The following BPIFB4 variants were observed in gnomAD, a reference collection of about 807,000 sequenced individuals.
BPIFB4 encodes the protein BPI fold-containing family B member 4.
A neutral mutation model predicts 69.2 loss-of-function variants in BPIFB4; 62 were observed. That is an observed-to-expected ratio of 0.90 (90% CI 0.73 to 1.11). BPIFB4 has a LOEUF of 1.11. BPIFB4 is among the 50% of genes least tolerant of loss of function. The pLI is 0.00. For missense variants in BPIFB4, 789 were observed against 792.0 expected (o/e 1.00, Z 0.04); for synonymous variants, 330 against 332.7 (o/e 0.99, Z 0.09).
At chr20:33,107,041 T>G (rs766675415) in intron 16 of BPIFB4, among the ~76,000 whole-genome samples, 1 of 151,930 alleles carries the variant, frequency 6.6e-6, no homozygotes, top group Non-Finnish European at 1.5e-5. Flanking sequence ...CCATCTCTAC[T>G]AAAAACACAA....
Position 33,107,499 on chromosome 20 carries a change from G to A in BPIFB4, c.1745-245G>A, listed in dbSNP as rs565373335. The stretch of plus-strand genomic sequence containing the variant: ...AACAAAAAAAGCAAAAATTAGGCAT[G>A]TTGGCATGTGCCTATAATCCCAGCT... On this transcript the variant is annotated intron_variant, in intron 16 of 17. Coordinates refer to ENST00000375483, the MANE Select transcript of BPIFB4 (RefSeq NM_182519.3). Among the ~76,000 whole-genome samples the A allele has an allele frequency of 2.6e-5, 4 of 152,252 alleles. No individual in the cohort carries two copies. In the South Asian group the frequency reaches 6.2e-4, roughly 24 times the overall value.
rs373415733 is a variant in BPIFB4 at position 33,103,785 on chromosome 20, C to T, written c.1680+771C>T. On this transcript the variant is annotated intron_variant, in intron 15 of 17. Coordinates refer to ENST00000375483, the MANE Select transcript of BPIFB4 (RefSeq NM_182519.3). ...CCCAAAAAGCTACAGCCTGTGAAGC[C>T]GATCTTGCCAGCTTCATTTTATAAG... Among the ~76,000 whole-genome samples the T allele has an allele frequency of 1.2e-4, 19 of 152,312 alleles. No individual in the cohort carries two copies. The East Asian group carries it at 1.4e-3, about 11-fold the overall frequency.
intron 6 of BPIFB4, among the ~76,000 whole-genome samples, chr20:33,085,739 G>A (rs1981403799): frequency 6.6e-6 from 1 of 152,186 alleles, no homozygotes; most frequent in Non-Finnish European, 1.5e-5. Context: ...TTATCCCCGT[G>A]GGATGAGGTC....
chr20:33,107,655 T>G (rs1348131819), intron 16 of BPIFB4, 89 bp from the exon 17 acceptor site: 2 of 991,538 alleles, frequency 2.0e-6, no homozygotes, highest in Non-Finnish European at 3.2e-6. Flanking sequence ...AAAAAGAAAT[T>G]GCCAATCTTC....
rs1297596335 is a variant in BPIFB4, at chr20:33,107,773, A to G, written c.1774A>G (p.Lys592Glu). 2 of 1,613,962 alleles carry G rather than the reference A, an allele frequency of 1.2e-6. No homozygotes were observed. Among genetic ancestry groups the G allele is most frequent in the African/African-American group, 1.3e-5 (1 of 74,926 alleles). The change falls in exon 17 of 18, where the codon AAA becomes GAA. Residue 592 changes from lysine (K) to glutamate (E), a missense_variant. By Grantham distance (56) the Lys-to-Glu change is moderately conservative. This residue lies in a region of BPIFB4 where 170 missense variants were observed against 193.6 expected (regional missense o/e 0.88). Coordinates refer to ENST00000375483, the MANE Select transcript of BPIFB4 (RefSeq NM_182519.3). ...AVLGSGVPLP[K>E]ILNIDFSNAD... ...GCTGGGTTCTGGCGTCCCTCTCCCC[A>G]AAATCCTCAACATCGACTTTAGCAA...
Position 33,084,933 on chromosome 20 carries a change from G to A in BPIFB4, c.719G>A (p.Arg240Gln), listed in dbSNP as rs763730262. Residue 240 changes from arginine (R) to glutamine (Q), a missense_variant, in exon 6 of 18, where the codon CGG (arginine) becomes CAG (glutamine). Coordinates refer to ENST00000375483, the MANE Select transcript of BPIFB4 (RefSeq NM_182519.3). ...CTGACCCTCCCTCGGGTGTCCGTGCGGCTCCTGCCCGGCGTGGGTGTCTAC... is the reference window on the plus strand; with the variant it reads ...CTGACCCTCCCTCGGGTGTCCGTGCAGCTCCTGCCCGGCGTGGGTGTCTAC... ...VELTLPRVSV[R>Q]LLPGVGVYLS... is the part of the protein sequence containing the mutation. 34 of 1,611,104 alleles carry A rather than the reference G, an allele frequency of 2.1e-5. 1 individual carries two copies. In the Middle Eastern group the frequency reaches 2.1e-3, roughly 102 times the overall value.
At chr20:33,088,484 C>G (rs945125779) in intron 7 of BPIFB4, among the ~76,000 whole-genome samples, 1 of 152,166 alleles carries the variant, frequency 6.6e-6, no homozygotes, top group Non-Finnish European at 1.5e-5. Context: ...ATCACATGAG[C>G]ACATTTTATT....
chr20:33,104,890 G>A lies in BPIFB4; in HGVS notation c.1744+17G>A, dbSNP rs1179789682. 6.2e-7 allele frequency: 1 copy of A among 1,613,334 alleles called. No homozygotes were observed. Among genetic ancestry groups the A allele is most frequent in the Non-Finnish European group, 8.5e-7 (1 of 1,179,326 alleles). On this transcript the variant is annotated intron_variant, in intron 16 of 17. Transcript: ENST00000375483. ...CAATGAACGGTGAGAGCGGGTGCCT[G>A]TGCCTCTCTGGGAGCTTGTGGCTTG... is the stretch of plus-strand genomic sequence containing the variant.
chr20:33,088,137 C>T (rs6088092), intron 7 of BPIFB4, among the ~76,000 whole-genome samples: 90,088 of 151,820 alleles, frequency 0.59, 27,413 homozygotes, highest in East Asian at 0.91. Context: ...CCCATCTATA[C>T]ATCTTGTTTA....
At chr20:33,109,357 T>C (rs1982171384) in intron 17 of BPIFB4, among the ~76,000 whole-genome samples, 1 of 152,218 alleles carries the variant, frequency 6.6e-6, no homozygotes, top group South Asian at 2.1e-4. Context: ...ACATAGTCTT[T>C]CATGGACTTG....
At position 33,083,769 on chromosome 20, in the gene BPIFB4, T is replaced by G. The variant is rs144272671; in HGVS notation, c.572T>G (p.Leu191Arg). ...DGILAGQGGL[L>R]GGGGLLGDGG... Reference sequence around the variant, plus strand: ...ATCCTCGCAGGCCAAGGTGGCCTGCTCGGCGGAGGTGGTCTCCTTGGTGAT... The same window carrying G: ...ATCCTCGCAGGCCAAGGTGGCCTGCGCGGCGGAGGTGGTCTCCTTGGTGAT... Residue 191 changes from leucine (L) to arginine (R), a missense_variant, in exon 5 of 18, where the codon CTC becomes CGC. Physicochemically the swap from Leu to Arg is moderately radical, Grantham distance 102. Around this residue, in one of 3 missense-constraint regions of BPIFB4, gnomAD observed 611 missense variants for 575.4 expected, o/e 1.06. Coordinates refer to ENST00000375483, the MANE Select transcript of BPIFB4 (RefSeq NM_182519.3). 2.6e-3 allele frequency: 4,263 copies of G among 1,613,714 alleles called. 55 individuals carry two copies. Among genetic ancestry groups the G allele is most frequent in the South Asian group, 0.023 (2,075 of 91,064 alleles).
intron 13 of BPIFB4, 96 bp from the exon 14 acceptor site, chr20:33,100,330 G>A (rs775241593): frequency 1.2e-5 from 13 of 1,054,716 alleles, no homozygotes; most frequent in Middle Eastern, 4.5e-4. Flanking sequence ...CAGGGTTAAC[G>A]AAGCCCTAGC....
In BPIFB4 at chr20:33,081,592, A is replaced by G. The variant is rs757343492; in HGVS notation, c.66A>G (p.Thr22=). The change falls in exon 3 of 18, where the codon ACA becomes ACG. Residue 22 remains threonine (T), a synonymous_variant. Transcript: ENST00000375483. ...VVAVCGTSHE[T]NTVLRVTKDV... is the part of the protein sequence containing the mutation. ...CTGTGTGTGGCACCAGCCACGAGACAAACACGGTCCTCAGGGTGACGAAAG... is the reference window on the plus strand; with the variant it reads ...CTGTGTGTGGCACCAGCCACGAGACGAACACGGTCCTCAGGGTGACGAAAG... The G allele has an allele frequency of 5.8e-6, 9 of 1,551,626 alleles. No individual in the cohort carries two copies. In the South Asian group the frequency reaches 1.1e-4, roughly 18 times the overall value.
rs946317037 is a variant in BPIFB4 at position 33,081,773 on chromosome 20, T to G, written c.106+141T>G. On this transcript the variant is annotated intron_variant, in intron 3 of 17. Transcript: ENST00000375483. Reference sequence around the variant, plus strand: ...TGAATTCTACTCTCTGGGCCTTAGTTTCTCCTTTTTCTTTTGACTACCATT... The same window carrying G: ...TGAATTCTACTCTCTGGGCCTTAGTGTCTCCTTTTTCTTTTGACTACCATT... The G allele has an allele frequency of 3.5e-6, 5 of 1,435,298 alleles. No individual in the cohort carries two copies. The African/African-American group carries it at 5.7e-5, about 16-fold the overall frequency. 88.9% of individuals were successfully genotyped at this position (1,435,298 alleles called of 1,614,324 possible).
At chr20:33,099,326 C>A (rs2057262) in intron 13 of BPIFB4, among the ~76,000 whole-genome samples, 86,633 of 151,924 alleles carry the variant, frequency 0.57, 25,227 homozygotes, top group Middle Eastern at 0.65. Context: ...ATAAGATGGT[C>A]GATTAAAGGG....
At chr20:33,081,721 TA>T in intron 3 of BPIFB4, 89 bp downstream of exon 3, 1 of 1,512,062 alleles carries the variant, frequency 6.6e-7, no homozygotes, top group South Asian at 1.3e-5. Flanking sequence ...CTCCTCCTGC[TA>T]GCAGAGTTCA....
At chr20:33,104,127 A>C (rs537946604) in intron 15 of BPIFB4, among the ~76,000 whole-genome samples, 189 of 152,220 alleles carry the variant, frequency 1.2e-3, no homozygotes, top group Admixed American at 3.0e-3. Flanking sequence ...CCATGCCCTC[A>C]CCCTCTGCAG....
chr20:33,084,324 T>A (rs1981352156), intron 5 of BPIFB4, among the ~76,000 whole-genome samples: 1 of 152,208 alleles, frequency 6.6e-6, no homozygotes, highest in South Asian at 2.1e-4. Context: ...CATGACCCAA[T>A]GGTAAGCCAA....
In BPIFB4 at chr20:33,081,556, G is replaced by A; in HGVS notation, c.30G>A (p.Leu10=). The change falls in exon 3 of 18, where the codon CTG becomes CTA. Residue 10 remains leucine (L), a synonymous_variant. Transcript: ENST00000375483. The part of the protein sequence containing the change: MWMAWCVAA[L]SVVAVCGTSH... Reference sequence around the variant, plus strand: ...GGATGGCCTGGTGTGTGGCTGCGCTGTCTGTGGTGGCTGTGTGTGGCACCA... The same window carrying A: ...GGATGGCCTGGTGTGTGGCTGCGCTATCTGTGGTGGCTGTGTGTGGCACCA... 6.4e-7 allele frequency: 1 copy of A among 1,551,740 alleles called. No individual in the cohort carries two copies. Among genetic ancestry groups the A allele is most frequent in the Non-Finnish European group, 8.7e-7 (1 of 1,147,004 alleles).
Sources: allele counts gnomAD v4.1 joint callset (sites outside exome capture counted in the v4.1 genomes callset), GRCh38; gene constraint gnomAD v4.1.1; regional missense constraint gnomAD v4.1.1; transcripts MANE v1.5; gene names NCBI Gene and HGNC (gene_info 2026-07-23, HGNC 2026-07-21).